The following ST8SIA1 variants were observed in gnomAD, a reference collection of about 807,000 sequenced individuals.
The protein encoded by ST8SIA1 is ST8 alpha-N-acetyl-neuraminide alpha-2,8-sialyltransferase 1, also known as alpha-N-acetylneuraminide alpha-2,8-sialyltransferase.
A neutral mutation model predicts 35.9 loss-of-function variants in ST8SIA1; 16 were observed. That is an observed-to-expected ratio of 0.45 (90% confidence interval 0.30 to 0.68). ST8SIA1 has a LOEUF of 0.68. Among genes scored for constraint, ST8SIA1 ranks in the 30% least tolerant of loss-of-function variants. The pLI is 0.09. For synonymous variants in ST8SIA1, 170 were observed against 169.6 expected (o/e 1.00, Z -0.02); for missense variants, 383 against 453.6 (o/e 0.84, Z 1.41).
chr12:22,312,954 A>T (rs1361696687), intron 1 of ST8SIA1, among the ~76,000 whole-genome samples: 1 of 152,190 alleles, frequency 6.6e-6, no homozygotes, highest in Non-Finnish European at 1.5e-5. Context: ...ATTTACATTG[A>T]TATTTTATGC....
At chr12:22,291,118 A>G (rs1370146034) in intron 1 of ST8SIA1, among the ~76,000 whole-genome samples, 1 of 152,172 alleles carries the variant, frequency 6.6e-6, no homozygotes, top group Non-Finnish European at 1.5e-5. Context: ...TATCCCTCCT[A>G]ATGGAATTCA....
At chr12:22,328,471 T>A (rs1218995890) in intron 1 of ST8SIA1, among the ~76,000 whole-genome samples, 2 of 152,194 alleles carry the variant, frequency 1.3e-5, no homozygotes, top group African/African-American at 4.8e-5. Context: ...CTAATGCACC[T>A]GTCGCTACCA....
chr12:22,226,091 T>A (rs1865354528), intron 4 of ST8SIA1, among the ~76,000 whole-genome samples: 1 of 152,246 alleles, frequency 6.6e-6, no homozygotes, highest in African/African-American at 2.4e-5. Context: ...GACTCTCAGC[T>A]GTAGTGCATA....
intron 2 of ST8SIA1, among the ~76,000 whole-genome samples, chr12:22,274,687 C>T (rs61921825): frequency 3.9e-5 from 6 of 152,152 alleles, no homozygotes; most frequent in Admixed American, 1.3e-4. Context: ...CCATCACACA[C>T]GCCACGCTCT....
chr12:22,240,042 G>A (rs1865522366), intron 4 of ST8SIA1, among the ~76,000 whole-genome samples: 1 of 152,082 alleles, frequency 6.6e-6, no homozygotes, highest in Non-Finnish European at 1.5e-5. Context: ...GTACAATAAT[G>A]TATTAAATAA....
intron 1 of ST8SIA1, among the ~76,000 whole-genome samples, chr12:22,320,988 AAAGAAAGAAAGAAAG>A (rs1466476533): frequency 0.01 from 1,285 of 123,234 alleles, 29 homozygotes; most frequent in African/African-American, 0.035. Flanking sequence ...AGAAAGAAAG[AAAGAAAGAAAGAAAG>A]AAGAAAGAAA....
At chr12:22,277,514 C>G (rs1032072264) in intron 2 of ST8SIA1, among the ~76,000 whole-genome samples, 6 of 151,868 alleles carry the variant, frequency 4.0e-5, no homozygotes, top group African/African-American at 1.2e-4. Context: ...TTACAGGTGC[C>G]TGCCACTACG....
intron 1 of ST8SIA1, among the ~76,000 whole-genome samples, chr12:22,300,570 G>A (rs1866307107): frequency 6.6e-6 from 1 of 152,068 alleles, no homozygotes; most frequent in Non-Finnish European, 1.5e-5. Flanking sequence ...TTTATAGATT[G>A]TTTATAAAAT....
intron 2 of ST8SIA1, among the ~76,000 whole-genome samples, chr12:22,258,832 G>A (rs1242250772): frequency 1.3e-5 from 2 of 152,170 alleles, no homozygotes; most frequent in Admixed American, 6.5e-5. Flanking sequence ...TTTCTGTCAG[G>A]AATCTGGCCG....
chr12:22,223,487 GTGA>G, intron 4 of ST8SIA1: 1 of 994,678 alleles, frequency 1.0e-6, no homozygotes, highest in Non-Finnish European at 1.2e-6. Flanking sequence ...GATTCCAGCT[GTGA>G]TGCTGGCGCA....
rs1865036784 is a variant in ST8SIA1, at chr12:22,200,408, GTGTA to G, written c.*1140_*1143del. ...ATGAGCTTTGTTTAACTTTGTGTGT[GTGTA>G]TGTGTGTCTACATGTATGCATACAT... is the stretch of plus-strand genomic sequence containing the variant. On this transcript the variant is annotated 3_prime_UTR_variant, in exon 5 of 5. Transcript: ENST00000396037. The G allele has an allele frequency of 6.6e-6, 1 of 152,152 alleles. No individual in the cohort carries two copies. Among genetic ancestry groups the G allele is most frequent in the Admixed American group, 6.5e-5 (1 of 15,268 alleles). 9.4% of individuals were successfully genotyped at this position (152,152 alleles called of 1,614,324 possible). A position where few individuals can be genotyped will look rare whatever the true frequency, so the allele number is the denominator to read the frequency against.
At chr12:22,231,736 G>T (rs926795472) in intron 4 of ST8SIA1, among the ~76,000 whole-genome samples, 8 of 151,880 alleles carry the variant, frequency 5.3e-5, no homozygotes, top group African/African-American at 1.9e-4. Flanking sequence ...ACCACGCCCG[G>T]CTAATTTTTT....
intron 1 of ST8SIA1, among the ~76,000 whole-genome samples, chr12:22,292,133 A>C (rs1866184125): frequency 6.6e-6 from 1 of 151,652 alleles, no homozygotes; most frequent in East Asian, 1.9e-4. Flanking sequence ...GGAAAAAAAA[A>C]TGCTAAATTG....
At chr12:22,265,323 G>A (rs1405406939) in intron 2 of ST8SIA1, among the ~76,000 whole-genome samples, 1 of 152,194 alleles carries the variant, frequency 6.6e-6, no homozygotes, top group East Asian at 1.9e-4. Context: ...AGCAGCAGCA[G>A]GAAGTACTAA....
intron 4 of ST8SIA1, among the ~76,000 whole-genome samples, chr12:22,229,331 C>A (rs1032045712): frequency 6.6e-6 from 1 of 151,856 alleles, no homozygotes; most frequent in Admixed American, 6.6e-5. Context: ...AGAATGACTT[C>A]AATGGCTGAG....
intron 1 of ST8SIA1, among the ~76,000 whole-genome samples, chr12:22,313,231 T>G (rs573269793): frequency 6.6e-6 from 1 of 152,244 alleles, no homozygotes; most frequent in Admixed American, 6.5e-5. Context: ...CTCATACATA[T>G]AAACCCCTTT....
chr12:22,234,265 A>G (rs1865451347), intron 4 of ST8SIA1, among the ~76,000 whole-genome samples: 1 of 151,860 alleles, frequency 6.6e-6, no homozygotes. Flanking sequence ...GTCTCAAAAA[A>G]AAAAAAAGAT....
Position 22,287,266 on chromosome 12 carries a change from A to G in ST8SIA1, c.264T>C (p.Pro88=). The G allele has an allele frequency of 6.2e-7, 1 of 1,613,948 alleles. No individual in the cohort carries two copies. Among genetic ancestry groups the G allele is most frequent in the Non-Finnish European group, 8.5e-7 (1 of 1,179,920 alleles). Residue 88 remains proline, a synonymous_variant, in exon 2 of 5, where the codon CCT becomes CCC. Transcript: ENST00000396037. ...FRKQMEDCCD[P]AHLFAMTKMN... is the part of the protein sequence containing the mutation. ...TTTTAGTCATAGCAAAGAGATGGGC[A>G]GGGTCGCAGCAGTCTTCCATTTGTT...
At chr12:22,278,078 C>G (rs1865992422) in intron 2 of ST8SIA1, among the ~76,000 whole-genome samples, 1 of 152,142 alleles carries the variant, frequency 6.6e-6, no homozygotes, top group Non-Finnish European at 1.5e-5. Flanking sequence ...TGGTCGAACA[C>G]TTATTTTACT....
Sources: gnomAD v4.1 joint callset for allele counts (sites outside exome capture counted in the v4.1 genomes callset) on GRCh38, gnomAD v4.1.1 for gene constraint, MANE v1.5 for transcripts, NCBI Gene and HGNC (gene_info 2026-07-23, HGNC 2026-07-21) for gene names.